The following RASGRP3 variants were observed in gnomAD, a reference collection of about 807,000 sequenced individuals.
The protein encoded by RASGRP3 is RAS guanyl releasing protein 3.
RASGRP3 carries 54 observed loss-of-function variants against 82.7 expected under a neutral mutation model. The ratio of observed to expected loss-of-function variants is 0.65; its 90% CI spans 0.52 to 0.82. The LOEUF (loss-of-function observed/expected upper bound fraction) is 0.82. Among genes scored for constraint, RASGRP3 ranks in the 40% least tolerant of loss-of-function variants. The probability of loss-of-function intolerance (pLI) is 0.00; values close to 1 mark genes in which losing one functional copy is unlikely to be tolerated. For missense variants in RASGRP3, 861 were observed against 828.9 expected (o/e 1.04, Z -0.48); for synonymous variants, 309 against 300.5 (o/e 1.03, Z -0.29).
At chr2:33,527,698 C>T (rs554698599) in intron 10 of RASGRP3, among the ~76,000 whole-genome samples, 70 of 152,328 alleles carry the variant, frequency 4.6e-4, no homozygotes, top group African/African-American at 1.6e-3. Flanking sequence ...TGCCTCAGCC[C>T]TCACTCTCCT....
intron 15 of RASGRP3, among the ~76,000 whole-genome samples, chr2:33,555,820 C>T: frequency 6.6e-6 from 1 of 152,160 alleles, no homozygotes; most frequent in East Asian, 1.9e-4. Context: ...CAGCAGCATC[C>T]AGTTAAGGTG....
intron 1 of RASGRP3, among the ~76,000 whole-genome samples, chr2:33,477,389 G>T (rs1233322860): frequency 5.3e-5 from 8 of 152,138 alleles, no homozygotes; most frequent in Admixed American, 5.2e-4. Flanking sequence ...AAAATGTTCA[G>T]TTGCCCCTGG....
Position 33,520,670 on chromosome 2 carries a change from C to T in RASGRP3, c.354C>T (p.Ile118=), listed in dbSNP as rs745628834. 9 of 1,613,912 alleles carry T rather than the reference C, an allele frequency of 5.6e-6. No individual in the cohort carries two copies. Among genetic ancestry groups the T allele is most frequent in the Admixed American group, 1.7e-5 (1 of 60,028 alleles). ...GATATGAAAAACACGTCAGCCTCAT[C>T]GACATATCCAGCATGTAAGAGTGGC... ...QLGYEKHVSL[I]DISSIPSYDW... The change falls in exon 6 of 18, where the codon ATC becomes ATT. Residue 118 remains isoleucine, a synonymous_variant. Coordinates refer to ENST00000403687, the MANE Select transcript of RASGRP3 (RefSeq NM_001139488.2).
intron 1 of RASGRP3, among the ~76,000 whole-genome samples, chr2:33,440,752 T>A (rs1458797198): frequency 6.6e-6 from 1 of 152,230 alleles, no homozygotes; most frequent in African/African-American, 2.4e-5. Flanking sequence ...AAGATTATGA[T>A]GAAGAATCTA....
chr2:33,561,487 C>T (rs545623948), intron 17 of RASGRP3, among the ~76,000 whole-genome samples: 34 of 152,196 alleles, frequency 2.2e-4, no homozygotes, highest in African/African-American at 8.2e-4. Flanking sequence ...TATACAGTTC[C>T]AGTACCATTC....
rs111444787 is a variant in RASGRP3 at position 33,534,415 on chromosome 2, C to T, written c.1161+15C>T. 8 of 1,500,720 alleles carry T rather than the reference C, an allele frequency of 5.3e-6. No homozygotes were observed. Among genetic ancestry groups the T allele is most frequent in the African/African-American group, 1.4e-5 (1 of 72,716 alleles). The allele number at this position is 1,500,720 out of a possible 1,614,324, so 93.0% of individuals were successfully genotyped here. On this transcript the variant is annotated intron_variant, in intron 11 of 17. Transcript: ENST00000403687. ...ATTCTAAATCGGTAGGTATTATTTT[C>T]TCTCCAAGGATCAGTACCAATCACT...
intron 1 of RASGRP3, among the ~76,000 whole-genome samples, chr2:33,504,569 CT>C (rs1670176559): frequency 6.6e-6 from 1 of 152,228 alleles, no homozygotes; most frequent in African/African-American, 2.4e-5. Context: ...GTTAGTGCTT[CT>C]TGCTGCATTC....
intron 5 of RASGRP3, among the ~76,000 whole-genome samples, chr2:33,520,305 A>G (rs928802920): frequency 6.6e-6 from 1 of 152,142 alleles, no homozygotes; most frequent in African/African-American, 2.4e-5. Flanking sequence ...ACTCACCATG[A>G]ATTGAAGGAA....
At chr2:33,506,420 C>T (rs1009304318) in intron 1 of RASGRP3, among the ~76,000 whole-genome samples, 1 of 152,152 alleles carries the variant, frequency 6.6e-6, no homozygotes, top group Non-Finnish European at 1.5e-5. Flanking sequence ...TTTCCTTATC[C>T]ATGAAATGGA....
chr2:33,446,323 A>AT (rs1461541323), intron 1 of RASGRP3, among the ~76,000 whole-genome samples: 2 of 151,728 alleles, frequency 1.3e-5, no homozygotes, highest in Admixed American at 1.3e-4. Context: ...CGCCGGGCTA[A>AT]TTTTTTTGTA....
intron 1 of RASGRP3, among the ~76,000 whole-genome samples, chr2:33,442,001 T>C (rs1393958146): frequency 7.2e-5 from 11 of 152,180 alleles, no homozygotes; most frequent in Admixed American, 7.2e-4. Context: ...AAACTATTCA[T>C]AGTAAATGTT....
intron 1 of RASGRP3, among the ~76,000 whole-genome samples, chr2:33,510,631 G>A (rs998524094): frequency 6.6e-6 from 1 of 152,204 alleles, no homozygotes; most frequent in Non-Finnish European, 1.5e-5. Context: ...TTTAATATGG[G>A]AGGGGAAGAA....
At chr2:33,499,718 T>G (rs541115019) in intron 1 of RASGRP3, among the ~76,000 whole-genome samples, 1 of 151,996 alleles carries the variant, frequency 6.6e-6, no homozygotes, top group African/African-American at 2.4e-5. Flanking sequence ...ACCTGTGTCT[T>G]GAGCTATACT....
At chr2:33,459,702 A>C (rs1666252276) in intron 2 of RASGRP3, among the ~76,000 whole-genome samples, 1 of 151,586 alleles carries the variant, frequency 6.6e-6, no homozygotes, top group African/African-American at 2.4e-5. Context: ...CAGGAAAGTG[A>C]AAAATTACAA....
At chr2:33,557,851 G>A (rs138329463) in intron 15 of RASGRP3, among the ~76,000 whole-genome samples, 158 of 152,156 alleles carry the variant, frequency 1.0e-3, no homozygotes, top group African/African-American at 3.7e-3. Flanking sequence ...TGGGGATTCC[G>A]TCTAAGCCTG....
chr2:33,525,470 T>C (rs917771074), intron 9 of RASGRP3, among the ~76,000 whole-genome samples: 28 of 152,112 alleles, frequency 1.8e-4, no homozygotes, highest in Non-Finnish European at 3.8e-4. Context: ...ATGAAAAGAT[T>C]CTCATATAAG....
intron 1 of RASGRP3, among the ~76,000 whole-genome samples, chr2:33,497,571 C>G (rs1259306141): frequency 6.6e-6 from 1 of 152,176 alleles, no homozygotes; most frequent in South Asian, 2.1e-4. Context: ...TATTTTCATT[C>G]TACAGAAGAA....
chr2:33,537,921 A>G (rs1363225353), intron 11 of RASGRP3, among the ~76,000 whole-genome samples: 1 of 152,200 alleles, frequency 6.6e-6, no homozygotes, highest in Admixed American at 6.5e-5. Context: ...AAGTTCACCA[A>G]AGAGGGCCAG....
intron 10 of RASGRP3, among the ~76,000 whole-genome samples, chr2:33,527,925 C>T (rs1427501382): frequency 6.6e-6 from 1 of 152,164 alleles, no homozygotes. Context: ...CCTTCTTTGC[C>T]ATCACCCTAT....
Sources: gnomAD v4.1 joint callset for allele counts (sites outside exome capture counted in the v4.1 genomes callset) on GRCh38, gnomAD v4.1.1 for gene constraint, MANE v1.5 for transcripts, NCBI Gene and HGNC (gene_info 2026-07-23, HGNC 2026-07-21) for gene names.